Variants in FGFR1 observed in about 807,000 individuals in gnomAD.
FGFR1 encodes FGFR1/PLAG1 fusion.
Under a neutral mutation model 93.7 loss-of-function variants are expected in FGFR1, and 18 were observed. That is an observed-to-expected ratio of 0.19 (90% confidence interval 0.13 to 0.28). The LOEUF is 0.28. Ranked by LOEUF, FGFR1 falls within the 10% of genes least tolerant of loss-of-function variation. FGFR1 has a pLI of 1.00. For synonymous variants in FGFR1, 448 were observed against 429.3 expected, an observed-to-expected ratio of 1.04 and a Z score of -0.54; for missense variants, 731 against 1,080.4, an observed-to-expected ratio of 0.68 and a Z score of 4.53.
intron 1 of FGFR1, chr8:38,465,609 G>A: frequency 4.4e-6 from 1 of 225,676 alleles, no homozygotes; most frequent in Non-Finnish European, 8.8e-6. Context: ...TAGGGAGGCA[G>A]GCCATCGGCA....
chr8:38,463,877 GC>G (rs1025917773), intron 1 of FGFR1, among the ~76,000 whole-genome samples: 4 of 152,052 alleles, frequency 2.6e-5, no homozygotes, highest in African/African-American at 9.7e-5. Flanking sequence ...AGGGCAGGGG[GC>G]AAGTACTTAA....
intron 7 of FGFR1, chr8:38,423,095 A>T (rs1332226520): frequency 2.6e-6 from 2 of 779,508 alleles, no homozygotes; most frequent in Non-Finnish European, 4.8e-6. Flanking sequence ...TGGAAACCTT[A>T]CACACATACT....
intron 1 of FGFR1, chr8:38,467,576 C>T: frequency 4.2e-6 from 1 of 235,552 alleles, no homozygotes; most frequent in Non-Finnish European, 8.4e-6. Flanking sequence ...ACACACAACG[C>T]ATCCCACCTC....
chr8:38,428,134 G>A (rs1380539748), intron 4 of FGFR1, 41 bp from the exon 5 acceptor site: 1 of 1,612,700 alleles, frequency 6.2e-7, no homozygotes, highest in South Asian at 1.1e-5. Context: ...GGGTGGAGAG[G>A]AGCAGCTGGT....
chr8:38,456,122 C>T (rs543231206), intron 2 of FGFR1, among the ~76,000 whole-genome samples: 74 of 152,282 alleles, frequency 4.9e-4, no homozygotes, highest in African/African-American at 1.7e-3. Context: ...ATCATTCAAA[C>T]GAGTCCCTGA....
intron 2 of FGFR1, among the ~76,000 whole-genome samples, chr8:38,452,518 C>A (rs188093262): frequency 3.0e-4 from 45 of 152,176 alleles, no homozygotes; most frequent in African/African-American, 1.1e-3. Flanking sequence ...ATGTGTGCCA[C>A]GTTACCCAGC....
intron 2 of FGFR1, among the ~76,000 whole-genome samples, chr8:38,449,663 C>G (rs933217852): frequency 3.8e-5 from 5 of 132,444 alleles, no homozygotes; most frequent in Non-Finnish European, 8.2e-5. Context: ...AGCCCCCACC[C>G]CACCTTTTAC....
intron 2 of FGFR1, among the ~76,000 whole-genome samples, chr8:38,456,583 T>G (rs1586738138): frequency 6.6e-6 from 1 of 152,198 alleles, no homozygotes; most frequent in East Asian, 1.9e-4. Flanking sequence ...CTGACCCTTA[T>G]AGAAGATGTG....
rs1268729294 is a variant in FGFR1 at position 38,429,408 on chromosome 8, C to G, written c.358+274G>C. The G allele has an allele frequency of 1.4e-6, 1 of 697,588 alleles. No homozygotes were observed. Among genetic ancestry groups the G allele is most frequent in the Non-Finnish European group, 2.6e-6 (1 of 378,950 alleles). 43.2% of individuals were successfully genotyped at this position (697,588 alleles called of 1,614,324 possible). A position where few individuals can be genotyped will look rare whatever the true frequency, so the allele number is the denominator to read the frequency against. On this transcript the variant is annotated intron_variant, in intron 3 of 17. Transcript: ENST00000447712. The surrounding 1 kb of genome is among the most constrained non-coding windows in gnomAD (Gnocchi z 4.4). ...TGGGCAAGCTGTGGTGGAAAAAAATCACAGGGTCTTAACATCCCAAGAGCC... is the reference window on the plus strand; with the variant it reads ...TGGGCAAGCTGTGGTGGAAAAAAATGACAGGGTCTTAACATCCCAAGAGCC...
At chr8:38,425,561 G>A (rs1309783555) in intron 6 of FGFR1, among the ~76,000 whole-genome samples, 1 of 152,164 alleles carries the variant, frequency 6.6e-6, no homozygotes, top group African/African-American at 2.4e-5. Context: ...TCTAGGGAGT[G>A]AGTTTCAGAA....
chr8:38,456,543 T>A (rs1317043239), intron 2 of FGFR1, among the ~76,000 whole-genome samples: 1 of 152,158 alleles, frequency 6.6e-6, no homozygotes, highest in Non-Finnish European at 1.5e-5. Flanking sequence ...CAGTTAAGGA[T>A]AGGAAAATGC....
At chr8:38,463,533 T>C in intron 1 of FGFR1, 2 of 223,288 alleles carry the variant, frequency 9.0e-6, no homozygotes, top group Non-Finnish European at 1.8e-5. Flanking sequence ...TCCCTAACCT[T>C]TGCTAACACC....
At chr8:38,446,913 G>C (rs1215207204) in intron 2 of FGFR1, among the ~76,000 whole-genome samples, 1 of 152,084 alleles carries the variant, frequency 6.6e-6, no homozygotes, top group Non-Finnish European at 1.5e-5. Context: ...TCAGGTGTCG[G>C]ATCTGACACC....
At chr8:38,414,754 A>C (rs2150558328) in intron 14 of FGFR1, 25 bp downstream of exon 14, 1 of 1,614,038 alleles carries the variant, frequency 6.2e-7, no homozygotes, top group Non-Finnish European at 8.5e-7. Context: ...AACCACCAGC[A>C]CAGGGCGGCC....
Position 38,424,268 on chromosome 8 carries a change from A to C in FGFR1, c.936+241T>G. On this transcript the variant is annotated intron_variant, in intron 7 of 17. Transcript: ENST00000447712. This position sits in a 1 kb window ranked among gnomAD's most constrained non-coding sequence, Gnocchi z 4.3. ...CCCAGTGACGTTGCTCTCAAAGCTT[A>C]TTACAGACCAGCACCACCCATCCCT... The C allele has an allele frequency of 1.5e-6, 1 of 681,692 alleles. No homozygotes were observed. Among genetic ancestry groups the C allele is most frequent in the South Asian group, 1.5e-5 (1 of 65,274 alleles). The allele number at this position is 681,692 out of a possible 1,614,324, so 42.2% of individuals were successfully genotyped here.
intron 2 of FGFR1, among the ~76,000 whole-genome samples, chr8:38,431,935 A>C (rs1823310371): frequency 2.0e-5 from 3 of 152,194 alleles, no homozygotes; most frequent in Admixed American, 1.3e-4. Context: ...GTTTAGACTC[A>C]ACTCTTAAGG....
intron 15 of FGFR1, 34 bp downstream of exon 15, chr8:38,414,525 C>G (rs755548530): frequency 6.2e-7 from 1 of 1,611,714 alleles, no homozygotes; most frequent in East Asian, 2.2e-5. Context: ...CTCTCTATCC[C>G]ACACCTCCCT....
chr8:38,415,490 C>T (rs1193483048), intron 13 of FGFR1, among the ~76,000 whole-genome samples: 7 of 149,652 alleles, frequency 4.7e-5, no homozygotes, highest in Non-Finnish European at 1.0e-4. Flanking sequence ...TTTTTAAAGA[C>T]GGGGTTTCAA....
At position 38,424,175 on chromosome 8, in the gene FGFR1, AGGCTCT is replaced by A; in HGVS notation, c.936+328_936+333del. The A allele has an allele frequency of 2.2e-6, 1 of 461,644 alleles. No individual in the cohort carries two copies. Among genetic ancestry groups the A allele is most frequent in the Non-Finnish European group, 4.1e-6 (1 of 241,546 alleles). The allele number at this position is 461,644 out of a possible 1,614,324, so 28.6% of individuals were successfully genotyped here. A position where few individuals can be genotyped will look rare whatever the true frequency, so the allele number is the denominator to read the frequency against. On this transcript the variant is annotated intron_variant, in intron 7 of 17. Coordinates refer to ENST00000447712, the MANE Select transcript of FGFR1 (RefSeq NM_023110.3). The surrounding 1 kb of genome is among the most constrained non-coding windows in gnomAD (Gnocchi z 4.3). ...TAAGACTGGGAAACGCTTGGTGGAAAGGCTCTGGTTTCGGGCAATGAAAAGGCAGGG... is the reference window on the plus strand; with the variant it reads ...TAAGACTGGGAAACGCTTGGTGGAAAGGTTTCGGGCAATGAAAAGGCAGGG...
Sources: allele counts gnomAD v4.1 joint callset (sites outside exome capture counted in the v4.1 genomes callset), GRCh38; gene constraint gnomAD v4.1.1; non-coding constraint Gnocchi (gnomAD v3.1); transcripts MANE v1.5; gene names NCBI Gene and HGNC (gene_info 2026-07-23, HGNC 2026-07-21).